CPED1: variants seen among roughly 807,000 people sequenced by gnomAD.
CPED1 encodes the protein cadherin like and PC-esterase domain containing 1.
A neutral mutation model predicts 128.2 loss-of-function variants in CPED1; 114 were observed. The observed-to-expected ratio is 0.89, with a 90% confidence interval of 0.76 to 1.04. CPED1 has a LOEUF of 1.04. CPED1 is among the 50% of genes least tolerant of loss of function. The pLI, the probability that CPED1 is intolerant of heterozygous loss-of-function variation, is 0.00. For missense variants in CPED1, 1,211 were observed against 1,207.1 expected (o/e 1.00, Z -0.05); for synonymous variants, 462 against 426.7 (o/e 1.08, Z -1.02).
intron 16 of CPED1, among the ~76,000 whole-genome samples, chr7:121,216,637 C>A (rs1296620740): frequency 6.6e-6 from 1 of 151,922 alleles, no homozygotes; most frequent in Non-Finnish European, 1.5e-5. Context: ...CCAAAGGAGA[C>A]CACCCAGTTC....
At chr7:121,216,143 A>G (rs1434231432) in intron 16 of CPED1, among the ~76,000 whole-genome samples, 4 of 152,058 alleles carry the variant, frequency 2.6e-5, no homozygotes, top group Non-Finnish European at 4.4e-5. Context: ...GGTATAATGA[A>G]GATTCCTACG....
At chr7:121,220,627 TTTTC>T (rs1448655288) in intron 16 of CPED1, among the ~76,000 whole-genome samples, 1 of 152,054 alleles carries the variant, frequency 6.6e-6, no homozygotes, top group Non-Finnish European at 1.5e-5. Flanking sequence ...AGTTCTCTTC[TTTTC>T]TATTATTCTG....
intron 18 of CPED1, among the ~76,000 whole-genome samples, chr7:121,255,922 T>C (rs1339113565): frequency 6.6e-6 from 1 of 151,574 alleles, no homozygotes; most frequent in African/African-American, 2.4e-5. Context: ...CATAAATAAA[T>C]GGAAAAACCT....
At chr7:121,264,535 C>T (rs75476250) in intron 18 of CPED1, among the ~76,000 whole-genome samples, 3 of 151,992 alleles carry the variant, frequency 2.0e-5, no homozygotes, top group Non-Finnish European at 4.4e-5. Context: ...TAGCATAACA[C>T]TACTTGAGCT....
At chr7:120,993,611 A>T (rs1796345013) in intron 2 of CPED1, among the ~76,000 whole-genome samples, 1 of 152,208 alleles carries the variant, frequency 6.6e-6, no homozygotes, top group African/African-American at 2.4e-5. Context: ...TTTCTAAAAA[A>T]ATTCCTTACT....
At chr7:121,283,478 T>C (rs552165879) in intron 22 of CPED1, among the ~76,000 whole-genome samples, 1 of 152,340 alleles carries the variant, frequency 6.6e-6, no homozygotes, top group East Asian at 1.9e-4. Context: ...GAGCATGCAA[T>C]GCATTCCAGC....
chr7:121,067,726 AC>A (rs1793877210), intron 5 of CPED1, among the ~76,000 whole-genome samples: 2 of 152,208 alleles, frequency 1.3e-5, no homozygotes, highest in South Asian at 4.1e-4. Context: ...TTACAGTCCC[AC>A]CAACAGTGTA....
At chr7:121,221,715 T>C (rs947915314) in intron 16 of CPED1, among the ~76,000 whole-genome samples, 2 of 152,222 alleles carry the variant, frequency 1.3e-5, no homozygotes, top group African/African-American at 2.4e-5. Context: ...TGATAACCAG[T>C]GATGATGAGC....
chr7:121,144,992 C>A (rs1314766890), intron 16 of CPED1, among the ~76,000 whole-genome samples: 1 of 151,836 alleles, frequency 6.6e-6, no homozygotes, highest in Non-Finnish European at 1.5e-5. Flanking sequence ...ATTTTTTGGG[C>A]AAATGTCCTA....
rs908563082 is a variant in CPED1, at chr7:121,261,757, A to G, written c.2311-4470A>G. 1.2e-5 allele frequency: 18 copies of G among 1,557,868 alleles called. No homozygotes were observed. The Admixed American group carries it at 1.4e-4, about 12-fold the overall frequency. On this transcript the variant is annotated intron_variant, in intron 18 of 22. Transcript: ENST00000310396. ...AAACCTGACTTGAATCACCTGGACT[A>G]TTTTTCTGAGAGAGTAATAAACTTT... is the stretch of plus-strand genomic sequence containing the variant.
chr7:121,050,571 C>A lies in CPED1; in HGVS notation c.540+3578C>A, dbSNP rs542774664. 1.8e-3 allele frequency: 383 copies of A among 214,408 alleles called. 1 individual carries two copies. Among genetic ancestry groups the A allele is most frequent in the African/African-American group, 9.0e-3 (367 of 40,814 alleles). 13.3% of individuals were successfully genotyped at this position (214,408 alleles called of 1,614,324 possible). ...ATCCGCCTCCCAGGTTCAAGCAATT[C>A]TTCTGCCTCAGCCTCTGGAGCAGCT... On this transcript the variant is annotated intron_variant, in intron 4 of 22. Coordinates refer to ENST00000310396, the MANE Select transcript of CPED1 (RefSeq NM_024913.5).
At chr7:121,069,993 A>G (rs1482654515) in intron 5 of CPED1, among the ~76,000 whole-genome samples, 1 of 152,040 alleles carries the variant, frequency 6.6e-6, no homozygotes, top group Non-Finnish European at 1.5e-5. Flanking sequence ...ATATACCAGG[A>G]CTTGTATTCA....
At chr7:121,188,808 T>A (rs1183357575) in intron 16 of CPED1, among the ~76,000 whole-genome samples, 1 of 152,070 alleles carries the variant, frequency 6.6e-6, no homozygotes, top group Non-Finnish European at 1.5e-5. Flanking sequence ...ATCCTTCTCA[T>A]CTCAAGTGTG....
At chr7:121,285,318 G>A (rs1352505652) in intron 22 of CPED1, among the ~76,000 whole-genome samples, 6 of 152,150 alleles carry the variant, frequency 3.9e-5, no homozygotes, top group Non-Finnish European at 8.8e-5. Flanking sequence ...CCTGTGATGG[G>A]AGGGGCTGCC....
intron 22 of CPED1, among the ~76,000 whole-genome samples, chr7:121,281,346 A>G (rs559652026): frequency 4.6e-5 from 7 of 152,308 alleles, no homozygotes; most frequent in African/African-American, 1.7e-4. Context: ...CCTACATTTA[A>G]TAGTGAAAGT....
At chr7:121,251,840 C>T (rs1798679743) in intron 18 of CPED1, among the ~76,000 whole-genome samples, 1 of 148,244 alleles carries the variant, frequency 6.7e-6, no homozygotes, top group African/African-American at 2.5e-5. Context: ...AAAAACATTC[C>T]ATGCTCATGG....
intron 2 of CPED1, among the ~76,000 whole-genome samples, chr7:121,004,489 G>T (rs968071397): frequency 6.6e-6 from 1 of 152,102 alleles, no homozygotes; most frequent in Non-Finnish European, 1.5e-5. Context: ...TTCTAGGCCG[G>T]CTGCCACAAG....
chr7:121,150,471 T>G (rs1483590408), intron 16 of CPED1, among the ~76,000 whole-genome samples: 1 of 152,110 alleles, frequency 6.6e-6, no homozygotes, highest in East Asian at 1.9e-4. Flanking sequence ...GCATCTAGGT[T>G]GATTCCATGT....
intron 16 of CPED1, among the ~76,000 whole-genome samples, chr7:121,156,142 T>G (rs1796278156): frequency 6.6e-6 from 1 of 152,208 alleles, no homozygotes; most frequent in African/African-American, 2.4e-5. Context: ...CACAATGGCA[T>G]ATTATCTTAC....
Sources: gnomAD v4.1 joint callset for allele counts (sites outside exome capture counted in the v4.1 genomes callset) on GRCh38, gnomAD v4.1.1 for gene constraint, MANE v1.5 for transcripts, NCBI Gene and HGNC (gene_info 2026-07-23, HGNC 2026-07-21) for gene names.